TMEM51: variants seen among roughly 807,000 people sequenced by gnomAD.
The protein encoded by TMEM51 is transmembrane protein 51, also known as chromosome 1 open reading frame 72.
Under a neutral mutation model 13.6 loss-of-function variants are expected in TMEM51, and 8 were observed. That is an observed-to-expected ratio of 0.59 (90% CI 0.35 to 1.07). The LOEUF (loss-of-function observed/expected upper bound fraction) is 1.07, where lower values mean the gene tolerates loss of function less well. Ranked by LOEUF, TMEM51 falls within the 50% of genes least tolerant of loss-of-function variation. The pLI, the probability that TMEM51 is intolerant of heterozygous loss-of-function variation, is 0.02. For synonymous variants in TMEM51, 147 were observed against 144.4 expected (o/e 1.02, Z -0.13); for missense variants, 279 against 330.7 (o/e 0.84, Z 1.21).
intron 1 of TMEM51, among the ~76,000 whole-genome samples, chr1:15,164,963 C>T (rs1446268208): frequency 6.6e-6 from 1 of 151,948 alleles, no homozygotes; most frequent in Non-Finnish European, 1.5e-5. Context: ...CCACCACACC[C>T]AGCTAATTTT....
At chr1:15,187,418 C>G (rs1183377837) in intron 1 of TMEM51, among the ~76,000 whole-genome samples, 1 of 152,218 alleles carries the variant, frequency 6.6e-6, no homozygotes, top group African/African-American at 2.4e-5. Flanking sequence ...CTTCTTCTCT[C>G]TTTGCCCATC....
intron 2 of TMEM51, among the ~76,000 whole-genome samples, chr1:15,213,860 G>A (rs1365110703): frequency 6.6e-6 from 1 of 150,622 alleles, no homozygotes; most frequent in African/African-American, 2.4e-5. Context: ...TTTTTTTTTC[G>A]AGACAGAGTC....
At position 15,220,039 on chromosome 1, in the gene TMEM51, G is replaced by A. The variant is rs994998335; in HGVS notation, c.*296G>A. The A allele has an allele frequency of 1.3e-5, 5 of 386,812 alleles. No individual in the cohort carries two copies. The highest frequency in any genetic ancestry group is 1.2e-4 in the Admixed American group (3 of 24,378). 24.0% of individuals were successfully genotyped at this position (386,812 alleles called of 1,614,324 possible). A position where few individuals can be genotyped will look rare whatever the true frequency, so the allele number is the denominator to read the frequency against. ...ATCCTTTTCACTCCGAATCGCTGGC[G>A]ACACATTCTCCTTTCCAGCTAGGAA... is the stretch of plus-strand genomic sequence containing the variant. On this transcript the variant is annotated 3_prime_UTR_variant, in exon 4 of 4. Coordinates refer to ENST00000376008, the MANE Select transcript of TMEM51 (RefSeq NM_001136218.2).
rs555752132 is a variant in TMEM51 at position 15,205,797 on chromosome 1, G to A, written c.-266-4693G>A. Among the ~76,000 whole-genome samples, 4 of 152,252 alleles carry A rather than the reference G, an allele frequency of 2.6e-5. No individual in the cohort carries two copies. In the South Asian group the frequency reaches 6.2e-4, roughly 24 times the overall value. ...AACACACATTGATGCTTTCTCTGAC[G>A]CTGACTTCCCTTCTGTTAGGCAGAA... On this transcript the variant is annotated intron_variant, in intron 1 of 3. Transcript: ENST00000376008.
chr1:15,169,921 C>A (rs1240635570), intron 1 of TMEM51, among the ~76,000 whole-genome samples: 1 of 152,096 alleles, frequency 6.6e-6, no homozygotes, highest in Non-Finnish European at 1.5e-5. Flanking sequence ...CCCTTTCTCC[C>A]TGTCTTCTCT....
chr1:15,201,072 A>G lies in TMEM51; in HGVS notation c.-266-9418A>G, dbSNP rs559877311. On this transcript the variant is annotated intron_variant, in intron 1 of 3. Transcript: ENST00000376008. Reference sequence around the variant, plus strand: ...TGGTTTGACTGGGCACAATTCCTTCATCCAGATAAAACTAATCACTCGGAG... The same window carrying G: ...TGGTTTGACTGGGCACAATTCCTTCGTCCAGATAAAACTAATCACTCGGAG... Among the ~76,000 whole-genome samples the G allele has an allele frequency of 9.2e-5, 14 of 152,326 alleles. No individual in the cohort carries two copies. The East Asian group carries it at 2.7e-3, about 29-fold the overall frequency.
rs1373283849 is a variant in TMEM51 at position 15,167,342 on chromosome 1, AAAAAAAAAAAAAAAG to A, written c.-267+13391_-267+13405del. On this transcript the variant is annotated intron_variant, in intron 1 of 3. Coordinates refer to ENST00000376008, the MANE Select transcript of TMEM51 (RefSeq NM_001136218.2). ...ACTCCATCTCAAAAAAAAAAAAAAA[AAAAAAAAAAAAAAAG>A]AATACATTTGAGATTTCCCCATACT... is the stretch of plus-strand genomic sequence containing the variant. 4.8e-5 allele frequency among the ~76,000 whole-genome samples: 7 copies of A among 146,138 alleles called. 1 individual carries two copies. Among genetic ancestry groups the A allele is most frequent in the African/African-American group, 1.9e-4 (7 of 36,744 alleles).
intron 1 of TMEM51, among the ~76,000 whole-genome samples, chr1:15,181,620 G>A (rs1643618779): frequency 6.6e-6 from 1 of 152,198 alleles, no homozygotes. Flanking sequence ...CCACCCCACA[G>A]CCCTGGCTCT....
rs545214694 is a variant in TMEM51, at chr1:15,181,878, G to C, written c.-267+27924G>C. Among the ~76,000 whole-genome samples the C allele has an allele frequency of 4.6e-5, 7 of 152,264 alleles. No individual in the cohort carries two copies. In the South Asian group the frequency reaches 1.0e-3, roughly 23 times the overall value. The stretch of plus-strand genomic sequence containing the variant: ...GTTTATAAATTTAAAATGTGTGACT[G>C]TCCGGGAGTGGTGTCTCACGCCTGT... On this transcript the variant is annotated intron_variant, in intron 1 of 3. Coordinates refer to ENST00000376008, the MANE Select transcript of TMEM51 (RefSeq NM_001136218.2).
chr1:15,199,613 C>A (rs1314772245), intron 1 of TMEM51, among the ~76,000 whole-genome samples: 1 of 152,164 alleles, frequency 6.6e-6, no homozygotes, highest in Non-Finnish European at 1.5e-5. Flanking sequence ...CAGATGCATG[C>A]CAGGGTCCTT....
intron 1 of TMEM51, among the ~76,000 whole-genome samples, chr1:15,177,223 A>T (rs554851332): frequency 6.6e-6 from 1 of 152,310 alleles, no homozygotes; most frequent in South Asian, 2.1e-4. Flanking sequence ...TCCATATTAC[A>T]TAAAATAAAT....
intron 1 of TMEM51, among the ~76,000 whole-genome samples, chr1:15,203,898 A>G (rs952843681): frequency 1.3e-5 from 2 of 152,212 alleles, no homozygotes; most frequent in Non-Finnish European, 2.9e-5. Flanking sequence ...TAAGTTACAG[A>G]GCTGAGATAC....
chr1:15,174,070 T>C (rs1191750288), intron 1 of TMEM51, among the ~76,000 whole-genome samples: 1 of 152,184 alleles, frequency 6.6e-6, no homozygotes, highest in Non-Finnish European at 1.5e-5. Flanking sequence ...AACAGGGTTT[T>C]GCAGTTCCGC....
At chr1:15,174,651 G>A (rs1324060845) in intron 1 of TMEM51, among the ~76,000 whole-genome samples, 1 of 152,168 alleles carries the variant, frequency 6.6e-6, no homozygotes, top group Non-Finnish European at 1.5e-5. Context: ...GGCTCAGGTT[G>A]CCATATAAAT....
intron 1 of TMEM51, among the ~76,000 whole-genome samples, chr1:15,187,117 C>T (rs772176691): frequency 6.6e-6 from 1 of 152,204 alleles, no homozygotes; most frequent in South Asian, 2.1e-4. Context: ...CCAGAGAGGC[C>T]ACAGCTATCC....
At chr1:15,192,401 T>C in intron 1 of TMEM51, 1 of 410,574 alleles carries the variant, frequency 2.4e-6, no homozygotes, top group South Asian at 2.1e-5. Flanking sequence ...GAATCCTTGC[T>C]CCAGGTCAGC....
Position 15,192,470 on chromosome 1 carries a change from T to TTTTTTTTTTTTA in TMEM51, c.-266-18020_-266-18019insTTTTTTTTTTTA, listed in dbSNP as rs3078880. 39 of 250,818 alleles carry TTTTTTTTTTTTA rather than the reference T, an allele frequency of 1.6e-4. 3 individuals are homozygous for TTTTTTTTTTTTA. The highest frequency in any genetic ancestry group is 4.7e-4 in the African/African-American group (18 of 38,010). 15.5% of individuals were successfully genotyped at this position (250,818 alleles called of 1,614,324 possible). ...TCTTTCTTTTCTTTTCCTTTTTTTT[T>TTTTTTTTTTTTA]ATGACAGAATCTTGCTCTGCTGCCC... On this transcript the variant is annotated intron_variant, in intron 1 of 3. Coordinates refer to ENST00000376008, the MANE Select transcript of TMEM51 (RefSeq NM_001136218.2).
intron 1 of TMEM51, among the ~76,000 whole-genome samples, chr1:15,200,451 G>C (rs543634772): frequency 6.9e-6 from 1 of 145,892 alleles, no homozygotes; most frequent in Non-Finnish European, 1.5e-5. Flanking sequence ...TTAGGACAGA[G>C]ACACACACGG....
intron 1 of TMEM51, among the ~76,000 whole-genome samples, chr1:15,175,543 T>G (rs1464999931): frequency 1.3e-5 from 2 of 152,258 alleles, no homozygotes; most frequent in Non-Finnish European, 2.9e-5. Context: ...TGTATTAGTC[T>G]GTTCTCATGT....
Sources: allele counts gnomAD v4.1 joint callset (sites outside exome capture counted in the v4.1 genomes callset), GRCh38; gene constraint gnomAD v4.1.1; transcripts MANE v1.5; gene names NCBI Gene and HGNC (gene_info 2026-07-23, HGNC 2026-07-21).